Variants in ZC4H2 observed in about 807,000 individuals in gnomAD.
ZC4H2 encodes zinc finger C4H2-type containing, also known as zinc finger C4H2 domain-containing protein.
For missense variants in ZC4H2, 137 were observed against 173.9 expected, an observed-to-expected ratio of 0.79 and a Z score of 1.19; for synonymous variants, 84 against 66.3, an observed-to-expected ratio of 1.27 and a Z score of -1.30.
At chrX:64,944,722 T>C (rs1050980417) in intron 1 of ZC4H2, among the ~76,000 whole-genome samples, 3 of 111,592 alleles carry the variant, frequency 2.7e-5, no homozygotes, top group African/African-American at 9.8e-5. Flanking sequence ...CACCAGTCAA[T>C]CATAGATTTA....
intron 1 of ZC4H2, among the ~76,000 whole-genome samples, chrX:65,006,024 A>G (rs1381016051): frequency 6.3e-5 from 7 of 111,884 alleles, no homozygotes; most frequent in Non-Finnish European, 1.1e-4. Flanking sequence ...ATCTCACGCC[A>G]GTTAGAATGG....
At position 64,916,270 on chromosome X, in the gene ZC4H2, C is replaced by T. The variant is rs141008796; in HGVS notation, c.*1513G>A. 1 of 111,136 alleles carries T rather than the reference C, an allele frequency of 9.0e-6. No individual in the cohort carries two copies. Among genetic ancestry groups the T allele is most frequent in the Non-Finnish European group, 1.9e-5 (1 of 53,102 alleles). The allele number at this position is 111,136 out of a possible 1,213,427, so 9.2% of individuals were successfully genotyped here. ...ATAGGTACCTGGCACAGAGTAGGTG[C>T]TAAATAAATGGAAATTATTGTGATA... On this transcript the variant is annotated 3_prime_UTR_variant, in exon 5 of 5. Transcript: ENST00000374839.
intron 1 of ZC4H2, among the ~76,000 whole-genome samples, chrX:64,930,339 T>G (rs1929683769): frequency 8.9e-6 from 1 of 111,834 alleles, no homozygotes; most frequent in African/African-American, 3.3e-5. Context: ...CTTCCACTTT[T>G]CCAATTTGGA....
intron 1 of ZC4H2, among the ~76,000 whole-genome samples, chrX:64,972,053 T>G (rs1931799735): frequency 8.9e-6 from 1 of 111,799 alleles, no homozygotes; most frequent in East Asian, 2.8e-4. Context: ...TCCCTTTCCC[T>G]CTTTTCTATC....
chrX:64,988,823 C>T (rs932812358), intron 1 of ZC4H2, among the ~76,000 whole-genome samples: 3 of 110,961 alleles, frequency 2.7e-5, no homozygotes, highest in Non-Finnish European at 5.7e-5. Flanking sequence ...ATGGTATTGC[C>T]TAGGTTTTCT....
intron 1 of ZC4H2, among the ~76,000 whole-genome samples, chrX:64,954,870 A>G (rs758251767): frequency 9.0e-5 from 10 of 111,516 alleles, no homozygotes; most frequent in Non-Finnish European, 1.9e-5. Flanking sequence ...CAGTTTGAAT[A>G]AACTCCACGG....
intron 1 of ZC4H2, among the ~76,000 whole-genome samples, chrX:64,932,113 T>C (rs769639958): frequency 1.8e-5 from 2 of 111,597 alleles, no homozygotes; most frequent in African/African-American, 6.5e-5. Context: ...ATGTCCTTGC[T>C]TGTCTTTTTT....
At chrX:64,971,262 C>G (rs1931772820) in intron 1 of ZC4H2, among the ~76,000 whole-genome samples, 1 of 111,765 alleles carries the variant, frequency 8.9e-6, no homozygotes, top group African/African-American at 3.3e-5. Context: ...AGGTAGTTCT[C>G]AAGGCAATGT....
At chrX:64,989,674 A>T (rs1256351201) in intron 1 of ZC4H2, among the ~76,000 whole-genome samples, 3 of 112,274 alleles carry the variant, frequency 2.7e-5, no homozygotes, top group Non-Finnish European at 5.6e-5. Context: ...AATAACCCTC[A>T]AAGTTCAACA....
At chrX:64,999,599 A>G (rs1932494428) in intron 1 of ZC4H2, among the ~76,000 whole-genome samples, 1 of 111,797 alleles carries the variant, frequency 8.9e-6, no homozygotes, top group Non-Finnish European at 1.9e-5. Flanking sequence ...AGAACCATTC[A>G]TTCCCCTGGA....
At chrX:65,011,819 G>A (rs187588551) in intron 1 of ZC4H2, among the ~76,000 whole-genome samples, 187 of 109,200 alleles carry the variant, frequency 1.7e-3, no homozygotes, top group African/African-American at 6.0e-3. Flanking sequence ...GGGTTCAAGC[G>A]ATTCTCCTGC....
chrX:64,946,942 G>A (rs1184609160), intron 1 of ZC4H2, among the ~76,000 whole-genome samples: 1 of 110,856 alleles, frequency 9.0e-6, no homozygotes, highest in Admixed American at 9.6e-5. Context: ...TTAGATTATT[G>A]TTTTAAGGCA....
At chrX:64,935,289 C>A (rs1012844185) in intron 1 of ZC4H2, among the ~76,000 whole-genome samples, 2 of 111,861 alleles carry the variant, frequency 1.8e-5, no homozygotes, top group Admixed American at 9.5e-5. Flanking sequence ...CCTCTCTGGG[C>A]AGGGCATCTC....
At chrX:65,013,310 T>C in intron 1 of ZC4H2, among the ~76,000 whole-genome samples, 1 of 111,345 alleles carries the variant, frequency 9.0e-6, no homozygotes, top group East Asian at 2.8e-4. Context: ...ATAGGTAAAT[T>C]TCTAAAGTGG....
chrX:64,970,280 T>A lies in ZC4H2; in HGVS notation c.53+6045A>T, dbSNP rs145239103. Among the ~76,000 whole-genome samples, 161 of 112,123 alleles carry A rather than the reference T, an allele frequency of 1.4e-3. 4 individuals are homozygous for A. The East Asian group carries it at 0.044, about 31-fold the overall frequency. ...TTCTGATAACTTTCTTACATCTCAATACCAAATGCCAACACCTTTTCAGTC... is the reference window on the plus strand; with the variant it reads ...TTCTGATAACTTTCTTACATCTCAAAACCAAATGCCAACACCTTTTCAGTC... On this transcript the variant is annotated intron_variant, in intron 1 of 4. Coordinates refer to ENST00000374839, the MANE Select transcript of ZC4H2 (RefSeq NM_018684.4).
chrX:64,925,150 G>A (rs1332135919), intron 1 of ZC4H2, among the ~76,000 whole-genome samples: 2 of 111,982 alleles, frequency 1.8e-5, no homozygotes, highest in Non-Finnish European at 3.8e-5. Context: ...TTCCACCATG[G>A]ATATCTCCTT....
At chrX:65,021,962 C>A (rs1438397030) in intron 1 of ZC4H2, among the ~76,000 whole-genome samples, 1 of 111,590 alleles carries the variant, frequency 9.0e-6, no homozygotes, top group Non-Finnish European at 1.9e-5. Flanking sequence ...TACACCCTCC[C>A]AAGACTAAAC....
chrX:64,973,126 G>A (rs891991214), intron 1 of ZC4H2, among the ~76,000 whole-genome samples: 3 of 110,921 alleles, frequency 2.7e-5, no homozygotes, highest in Non-Finnish European at 3.8e-5. Context: ...ATTAATGTTT[G>A]CAAGGTATTT....
At chrX:64,974,503 C>A (rs1370739578) in intron 1 of ZC4H2, among the ~76,000 whole-genome samples, 1 of 111,826 alleles carries the variant, frequency 8.9e-6, no homozygotes, top group Non-Finnish European at 1.9e-5. Context: ...AAGTTGGATA[C>A]TCTGGATCTT....
Sources: allele counts gnomAD v4.1 joint callset (sites outside exome capture counted in the v4.1 genomes callset), GRCh38; gene constraint gnomAD v4.1.1; transcripts MANE v1.5; gene names NCBI Gene and HGNC (gene_info 2026-07-23, HGNC 2026-07-21).